CDH18: variants seen among roughly 807,000 people sequenced by gnomAD.
CDH18 encodes cadherin 18.
CDH18 carries 31 observed loss-of-function variants against 67.9 expected under a neutral mutation model. That is an observed-to-expected ratio of 0.46 (90% CI 0.34 to 0.62). The LOEUF (loss-of-function observed/expected upper bound fraction) is 0.62, where lower values mean the gene tolerates loss of function less well. Among genes scored for constraint, CDH18 ranks in the 20% least tolerant of loss-of-function variants. The pLI is 0.01. For synonymous variants in CDH18, 362 were observed against 347.2 expected (o/e 1.04, Z -0.48); for missense variants, 890 against 975.5 (o/e 0.91, Z 1.17).
At chr5:20,345,181 C>G (rs1740601319) in intron 1 of CDH18, among the ~76,000 whole-genome samples, 1 of 152,112 alleles carries the variant, frequency 6.6e-6, no homozygotes, top group Admixed American at 6.6e-5. Flanking sequence ...CTAATAGATC[C>G]TTTGGGAGAG....
At chr5:20,375,723 T>G (rs973260433) in intron 1 of CDH18, among the ~76,000 whole-genome samples, 1 of 152,160 alleles carries the variant, frequency 6.6e-6, no homozygotes, top group Non-Finnish European at 1.5e-5. Context: ...ACAAATTAAT[T>G]GTGCTCAATT....
intron 3 of CDH18, among the ~76,000 whole-genome samples, chr5:19,815,933 A>G (rs1183453811): frequency 6.6e-6 from 1 of 151,944 alleles, no homozygotes; most frequent in African/African-American, 2.4e-5. Flanking sequence ...GAGTGGGAGA[A>G]TTTTAGTAAC....
intron 3 of CDH18, among the ~76,000 whole-genome samples, chr5:19,835,914 C>A (rs1781568543): frequency 6.6e-6 from 1 of 152,122 alleles, no homozygotes; most frequent in African/African-American, 2.4e-5. Flanking sequence ...GCATCACAAA[C>A]CTCCATCGCC....
chr5:19,993,029 A>G (rs540182151), upstream of CDH18, among the ~76,000 whole-genome samples: 3 of 152,296 alleles, frequency 2.0e-5, no homozygotes, highest in South Asian at 6.2e-4. Context: ...CTGCCCTGAA[A>G]CTGGCTTTTA....
intron 5 of CDH18, among the ~76,000 whole-genome samples, chr5:19,693,632 C>T (rs1394109594): frequency 1.3e-5 from 2 of 152,256 alleles, no homozygotes; most frequent in Middle Eastern, 3.4e-3. Context: ...CATGGTGGCT[C>T]ATGCCTGTAA....
At chr5:20,483,316 T>A (rs57996551) in intron 1 of CDH18, among the ~76,000 whole-genome samples, 6,658 of 152,104 alleles carry the variant, frequency 0.044, 165 homozygotes, top group African/African-American at 0.055. Flanking sequence ...ATTGGAAGAA[T>A]CAATGTTGTT....
chr5:20,244,737 A>T (rs1275452924), intron 2 of CDH18, among the ~76,000 whole-genome samples: 1 of 152,134 alleles, frequency 6.6e-6, no homozygotes, highest in Non-Finnish European at 1.5e-5. Context: ...ATTTGACAAA[A>T]TGTATTATTT....
intron 2 of CDH18, among the ~76,000 whole-genome samples, chr5:20,069,386 T>C (rs1371939365): frequency 6.9e-6 from 1 of 145,046 alleles, no homozygotes; most frequent in Non-Finnish European, 1.5e-5. Flanking sequence ...CTCTACTGCA[T>C]TGCCCTCTTT....
Position 19,889,885 on chromosome 5 carries a change from C to T in CDH18, c.-256-50643G>A, listed in dbSNP as rs550825866. On this transcript the variant is annotated intron_variant, in intron 2 of 12. Transcript: ENST00000382275. ...GTTTGCTCCAGAAGAGAATTACATGCGATATCATATAAATATGTACACATG... is the reference window on the plus strand; with the variant it reads ...GTTTGCTCCAGAAGAGAATTACATGTGATATCATATAAATATGTACACATG... Among the ~76,000 whole-genome samples, 14 of 152,080 alleles carry T rather than the reference C, an allele frequency of 9.2e-5. No homozygotes were observed. In the South Asian group the frequency reaches 2.7e-3, roughly 29 times the overall value.
chr5:19,592,440 A>C (rs1745313555), intron 6 of CDH18, among the ~76,000 whole-genome samples: 1 of 152,086 alleles, frequency 6.6e-6, no homozygotes. Context: ...AAACATTATA[A>C]ATAACAGAAG....
chr5:19,495,260 T>C (rs1416862159), intron 11 of CDH18, among the ~76,000 whole-genome samples: 1 of 152,170 alleles, frequency 6.6e-6, no homozygotes, highest in Non-Finnish European at 1.5e-5. Flanking sequence ...GCAGCAATCA[T>C]CTTCATGATA....
intron 4 of CDH18, among the ~76,000 whole-genome samples, chr5:19,742,400 G>A (rs1034481868): frequency 3.7e-5 from 5 of 136,284 alleles, no homozygotes; most frequent in Non-Finnish European, 8.5e-5. Context: ...AAATGCACAC[G>A]CATGGGTACA....
chr5:19,720,836 A>T (rs1765997525), intron 5 of CDH18, among the ~76,000 whole-genome samples: 1 of 152,194 alleles, frequency 6.6e-6, no homozygotes, highest in South Asian at 2.1e-4. Context: ...TTTACTCATT[A>T]GAAAAAATTG....
chr5:20,251,004 T>C (rs1743818884), intron 2 of CDH18, among the ~76,000 whole-genome samples: 1 of 152,164 alleles, frequency 6.6e-6, no homozygotes, highest in Non-Finnish European at 1.5e-5. Flanking sequence ...CTTAAAGCCA[T>C]GGAAACTTGA....
chr5:20,528,736 C>A (rs1391944431), intron 1 of CDH18, among the ~76,000 whole-genome samples: 1 of 151,852 alleles, frequency 6.6e-6, no homozygotes, highest in African/African-American at 2.4e-5. Flanking sequence ...AGGGACACAG[C>A]TAAAGCAGTG....
chr5:19,862,770 G>T (rs1412923759), intron 2 of CDH18, among the ~76,000 whole-genome samples: 1 of 152,152 alleles, frequency 6.6e-6, no homozygotes. Flanking sequence ...ACAGGTCGTA[G>T]TCCAAAATAA....
chr5:20,107,084 C>CTTT lies in CDH18; in HGVS notation c.-517-115073_-517-115071dup, dbSNP rs34482408. On this transcript the variant is annotated intron_variant, in intron 2 of 14. Transcript: ENST00000507958. Reference sequence around the variant, plus strand: ...GCACTTAAGTTCCTTTTATAACTTTCTTTTTTTTTTTTTTGAGACGGAGTC... The same window carrying CTTT: ...GCACTTAAGTTCCTTTTATAACTTTCTTTTTTTTTTTTTTTTTGAGACGGAGTC... 6.3e-5 allele frequency among the ~76,000 whole-genome samples: 9 copies of CTTT among 143,480 alleles called. 1 individual carries two copies. The highest frequency in any genetic ancestry group is 1.1e-4 in the Non-Finnish European group (7 of 65,968). The allele number at this position is 143,480 out of a possible 152,430, so 94.1% of individuals were successfully genotyped here.
chr5:20,337,255 T>C (rs925678524), intron 1 of CDH18, among the ~76,000 whole-genome samples: 1 of 152,234 alleles, frequency 6.6e-6, no homozygotes, highest in Non-Finnish European at 1.5e-5. Context: ...TACAAATTTC[T>C]GCAGCAGCTT....
intron 8 of CDH18, among the ~76,000 whole-genome samples, chr5:19,559,180 T>C (rs1204991926): frequency 2.0e-5 from 3 of 152,172 alleles, no homozygotes; most frequent in African/African-American, 7.2e-5. Context: ...TGTGTGTTTT[T>C]TGTTTCAATT....
Sources: allele counts gnomAD v4.1 joint callset (sites outside exome capture counted in the v4.1 genomes callset), GRCh38; gene constraint gnomAD v4.1.1; transcripts MANE v1.5; gene names NCBI Gene and HGNC (gene_info 2026-07-23, HGNC 2026-07-21).